ANKRD42: variants seen among roughly 807,000 people sequenced by gnomAD.
The protein encoded by ANKRD42 is ankyrin repeat domain-containing protein 42.
ANKRD42 carries 43 observed loss-of-function variants against 51.5 expected under a neutral mutation model. That is an observed-to-expected ratio of 0.83 (90% CI 0.65 to 1.08). The LOEUF (loss-of-function observed/expected upper bound fraction) is 1.08. ANKRD42 is among the 50% of genes least tolerant of loss of function. The probability of loss-of-function intolerance (pLI) is 0.00; values close to 1 mark genes in which losing one functional copy is unlikely to be tolerated. For synonymous variants in ANKRD42, 203 were observed against 213.0 expected (o/e 0.95, Z 0.41); for missense variants, 608 against 629.3 (o/e 0.97, Z 0.36).
Position 83,210,294 on chromosome 11 carries a change from T to G in ANKRD42, c.331-6T>G. 1 of 1,612,960 alleles carries G rather than the reference T, an allele frequency of 6.2e-7. No individual in the cohort carries two copies. Among genetic ancestry groups the G allele is most frequent in the Non-Finnish European group, 8.5e-7 (1 of 1,179,062 alleles). The stretch of plus-strand genomic sequence containing the variant: ...TGTAAAGTCTTTCCTATTTCTCTAT[T>G]TTTAGGCTCTTATAATGAATGGAGC... On this transcript the variant is annotated splice_region_variant and splice_polypyrimidine_tract_variant and intron_variant, in intron 3 of 10. Transcript: ENST00000533342.
intron 8 of ANKRD42, among the ~76,000 whole-genome samples, chr11:83,240,481 T>C (rs638886): frequency 0.45 from 68,215 of 152,080 alleles, 15,879 homozygotes; most frequent in African/African-American, 0.58. Flanking sequence ...TACTACATAT[T>C]CCTTTGGTAT....
intron 8 of ANKRD42, 151 bp from the exon 9 acceptor site, chr11:83,240,608 A>G (rs988249931): frequency 2.2e-5 from 16 of 720,582 alleles, no homozygotes; most frequent in African/African-American, 1.4e-4. Flanking sequence ...ATATATGTCA[A>G]ATTGTCACTG....
rs182523232 is a variant in ANKRD42, at chr11:83,210,280, T to C, written c.331-20T>C. On this transcript the variant is annotated intron_variant, in intron 3 of 10. Transcript: ENST00000533342. ...AACATCTATACTCATGTAAAGTCTTTCCTATTTCTCTATTTTTAGGCTCTT... is the reference window on the plus strand; with the variant it reads ...AACATCTATACTCATGTAAAGTCTTCCCTATTTCTCTATTTTTAGGCTCTT... 6.2e-6 allele frequency: 10 copies of C among 1,611,070 alleles called. 1 individual carries two copies. In the Admixed American group the frequency reaches 6.7e-5, roughly 11 times the overall value.
Position 83,240,821 on chromosome 11 carries a change from A to C in ANKRD42, c.1082A>C (p.Glu361Ala). ...EELQKYDIDDENEIDENDVKY... is the reference protein window; with the variant it reads ...EELQKYDIDDANEIDENDVKY... ...CTACAGAAATATGATATAGATGACG[A>C]AAATGAAATTGATGAAAATGATGTG... The change falls in exon 9 of 11, where the codon GAA (glutamate) becomes GCA (alanine). Residue 361 changes from glutamate to alanine, a missense_variant. Glu to Ala is a moderately radical substitution (Grantham distance 107, BLOSUM62 -1). Coordinates refer to ENST00000533342, the MANE Select transcript of ANKRD42 (RefSeq NM_001300975.2). 1 of 1,614,162 alleles carries C rather than the reference A, an allele frequency of 6.2e-7. No homozygotes were observed. Among genetic ancestry groups the C allele is most frequent in the Non-Finnish European group, 8.5e-7 (1 of 1,179,992 alleles).
At chr11:83,206,402 A>G (rs1862076927) in intron 3 of ANKRD42, among the ~76,000 whole-genome samples, 1 of 152,184 alleles carries the variant, frequency 6.6e-6, no homozygotes, top group Non-Finnish European at 1.5e-5. Context: ...AAGAGATCTC[A>G]CAGTCATAAC....
intron 1 of ANKRD42, among the ~76,000 whole-genome samples, chr11:83,196,637 C>G (rs1861668578): frequency 6.6e-6 from 1 of 152,210 alleles, no homozygotes; most frequent in African/African-American, 2.4e-5. Flanking sequence ...TCCATCGTTG[C>G]TTTTACCACA....
intron 3 of ANKRD42, chr11:83,209,870 C>A (rs922119802): frequency 6.4e-6 from 3 of 470,924 alleles, no homozygotes; most frequent in Non-Finnish European, 1.2e-5. Context: ...GAATATGACC[C>A]CAGAAGCCAC....
At chr11:83,245,855 G>A (rs971147139) in intron 10 of ANKRD42, among the ~76,000 whole-genome samples, 2 of 152,188 alleles carry the variant, frequency 1.3e-5, no homozygotes, top group African/African-American at 2.4e-5. Flanking sequence ...GTTCAGTAGT[G>A]TTAAGTACAT....
chr11:83,247,396 C>T (rs1370524762), intron 10 of ANKRD42, among the ~76,000 whole-genome samples: 1 of 152,080 alleles, frequency 6.6e-6, no homozygotes, highest in African/African-American at 2.4e-5. Flanking sequence ...ATGATTCTAT[C>T]ACATTGGCTT....
chr11:83,227,950 A>G (rs1565190069), intron 7 of ANKRD42, 78 bp downstream of exon 7: 4 of 1,485,284 alleles, frequency 2.7e-6, no homozygotes, highest in Non-Finnish European at 1.8e-6. Flanking sequence ...TATCAGTCAG[A>G]AACACATGAA....
intron 2 of ANKRD42, among the ~76,000 whole-genome samples, chr11:83,203,433 G>A (rs139376071): frequency 0.011 from 1,399 of 125,208 alleles, 11 homozygotes; most frequent in Non-Finnish European, 0.016. Flanking sequence ...TTGCTCTGTC[G>A]CCCAGGCTGG....
At chr11:83,216,370 C>T (rs939661295) in intron 5 of ANKRD42, among the ~76,000 whole-genome samples, 1 of 151,600 alleles carries the variant, frequency 6.6e-6, no homozygotes, top group Admixed American at 6.6e-5. Context: ...GTCGCCCAGG[C>T]TGGAGTGCAG....
chr11:83,209,509 G>T, intron 3 of ANKRD42: 1 of 1,084,850 alleles, frequency 9.2e-7, no homozygotes, highest in Non-Finnish European at 1.4e-6. Flanking sequence ...AAACCCATTT[G>T]ATGTCTGAAT....
Position 83,245,530 on chromosome 11 carries a change from C to T in ANKRD42, c.1228C>T (p.His410Tyr), listed in dbSNP as rs1403781949. The part of the protein sequence containing the change: ...RAYKKIVELR[H>Y]LLEIAESNYK... ...TTACAAGAAAATTGTAGAATTGAGACACCTCCTGGAAATTGCCGAGAGCAA... is the reference window on the plus strand; with the variant it reads ...TTACAAGAAAATTGTAGAATTGAGATACCTCCTGGAAATTGCCGAGAGCAA... The change falls in exon 10 of 11, where the codon CAC (histidine) becomes TAC (tyrosine). Residue 410 changes from histidine to tyrosine, a missense_variant. By Grantham distance (83) the His-to-Tyr change is moderately conservative (BLOSUM62 2). Coordinates refer to ENST00000533342, the MANE Select transcript of ANKRD42 (RefSeq NM_001300975.2). The T allele has an allele frequency of 3.9e-6, 6 of 1,536,466 alleles. No homozygotes were observed. The South Asian group carries it at 7.1e-5, about 18-fold the overall frequency.
intron 1 of ANKRD42, among the ~76,000 whole-genome samples, chr11:83,197,726 CT>C (rs1169520050): frequency 1.3e-5 from 2 of 152,108 alleles, no homozygotes; most frequent in East Asian, 3.8e-4. Context: ...GTTCACAATG[CT>C]TATTAATTAA....
chr11:83,212,670 G>T (rs1862369878), intron 5 of ANKRD42: 10 of 1,536,078 alleles, frequency 6.5e-6, no homozygotes, highest in Non-Finnish European at 8.7e-6. Flanking sequence ...TTAGATCCCT[G>T]TGGAGCCTCT....
Position 83,198,530 on chromosome 11 carries a change from G to T in ANKRD42, c.110G>T (p.Gly37Val), listed in dbSNP as rs1237639338. Reference protein sequence around the residue: ...FGSIHDAVRAGDVKQLSEIVV... With the variant: ...FGSIHDAVRAVDVKQLSEIVV... ...AGCATACATGATGCAGTACGAGCTG[G>T]AGATGTAAAGCAGCTTTCAGAAATA... Residue 37 changes from glycine (G) to valine (V), a missense_variant, in exon 2 of 11, where the codon GGA becomes GTA. Transcript: ENST00000533342. 1 of 1,613,982 alleles carries T rather than the reference G, an allele frequency of 6.2e-7. No homozygotes were observed. The highest frequency in any genetic ancestry group is 1.1e-5 in the South Asian group (1 of 91,062).
At chr11:83,203,928 G>A (rs977381014) in intron 2 of ANKRD42, among the ~76,000 whole-genome samples, 11 of 151,924 alleles carry the variant, frequency 7.2e-5, no homozygotes, top group East Asian at 1.9e-4. Flanking sequence ...CATCTGGTTC[G>A]GTTCTCTTCT....
intron 3 of ANKRD42, chr11:83,209,567 T>C: frequency 1.0e-6 from 1 of 955,318 alleles, no homozygotes; most frequent in South Asian, 1.3e-5. Context: ...ATGGGTCTAT[T>C]ATATGATCCA....
Sources: gnomAD v4.1 joint callset for allele counts (sites outside exome capture counted in the v4.1 genomes callset) on GRCh38, gnomAD v4.1.1 for gene constraint, MANE v1.5 for transcripts, NCBI Gene and HGNC (gene_info 2026-07-23, HGNC 2026-07-21) for gene names.